The following GNAL variants were observed in gnomAD, a reference collection of about 807,000 sequenced individuals.
GNAL encodes the protein guanine nucleotide-binding protein G(olf) subunit alpha.
In GNAL, 18 loss-of-function variants were observed where a neutral mutation model predicts 55.1. The observed-to-expected ratio is 0.33, with a 90% confidence interval of 0.23 to 0.48. The LOEUF (loss-of-function observed/expected upper bound fraction) is 0.48, where lower values mean the gene tolerates loss of function less well. Among genes scored for constraint, GNAL ranks in the 20% least tolerant of loss-of-function variants. The pLI, the probability that GNAL is intolerant of heterozygous loss-of-function variation, is 0.99. For missense variants in GNAL, 412 were observed against 614.1 expected (o/e 0.67, Z 3.48); for synonymous variants, 253 against 237.0 (o/e 1.07, Z -0.62).
chr18:11,838,483 C>T (rs548559051), intron 5 of GNAL, among the ~76,000 whole-genome samples: 79 of 152,282 alleles, frequency 5.2e-4, no homozygotes, highest in Middle Eastern at 3.4e-3. Context: ...TTGATGGTTG[C>T]ACAACTTTGA....
intron 5 of GNAL, among the ~76,000 whole-genome samples, chr18:11,856,956 A>G (rs2036022430): frequency 6.6e-6 from 1 of 152,224 alleles, no homozygotes; most frequent in South Asian, 2.1e-4. Flanking sequence ...ATAGTTTTTT[A>G]AATTTAAAAA....
chr18:11,729,814 T>C (rs1384577159), intron 1 of GNAL, among the ~76,000 whole-genome samples: 1 of 152,178 alleles, frequency 6.6e-6, no homozygotes, highest in African/African-American at 2.4e-5. Context: ...CAGGAAGCCT[T>C]GATTAAGTCG....
At chr18:11,714,654 C>T (rs181732021) in intron 1 of GNAL, among the ~76,000 whole-genome samples, 7 of 152,204 alleles carry the variant, frequency 4.6e-5, no homozygotes, top group African/African-American at 9.6e-5. Context: ...AACAAAACTC[C>T]GTTTTAGGGC....
At chr18:11,705,282 C>T (rs887468856) in intron 1 of GNAL, among the ~76,000 whole-genome samples, 15 of 152,240 alleles carry the variant, frequency 9.9e-5, no homozygotes, top group African/African-American at 3.6e-4. Context: ...GGCTGCATTC[C>T]CTTCTTTTCT....
chr18:11,792,183 C>A (rs948395050), intron 4 of GNAL, among the ~76,000 whole-genome samples: 1 of 151,996 alleles, frequency 6.6e-6, no homozygotes, highest in African/African-American at 2.4e-5. Flanking sequence ...CTCCCTCCCT[C>A]CTTCCTTCCC....
chr18:11,714,994 A>G (rs996949575), intron 1 of GNAL, among the ~76,000 whole-genome samples: 4 of 152,048 alleles, frequency 2.6e-5, no homozygotes, highest in Non-Finnish European at 4.4e-5. Context: ...ATACCAAAAA[A>G]AATAACCAGG....
At chr18:11,862,141 G>A (rs2036160183) in intron 5 of GNAL, among the ~76,000 whole-genome samples, 1 of 151,932 alleles carries the variant, frequency 6.6e-6, no homozygotes, top group Non-Finnish European at 1.5e-5. Flanking sequence ...CAGCGCTGTG[G>A]CAGTGGAGAA....
At chr18:11,836,464 AAATAAT>A (rs1275533122) in intron 5 of GNAL, among the ~76,000 whole-genome samples, 1 of 151,932 alleles carries the variant, frequency 6.6e-6, no homozygotes, top group Non-Finnish European at 1.5e-5. Flanking sequence ...TAATAATAAT[AAATAAT>A]AATAATAAAG....
chr18:11,703,658 G>A (rs1006849444), intron 1 of GNAL, among the ~76,000 whole-genome samples: 35 of 152,164 alleles, frequency 2.3e-4, no homozygotes, highest in African/African-American at 8.2e-4. Flanking sequence ...TGTGCCTCAT[G>A]GAGGACGATA....
chr18:11,736,530 C>T (rs1296153096), intron 1 of GNAL, among the ~76,000 whole-genome samples: 1 of 152,178 alleles, frequency 6.6e-6, no homozygotes, highest in African/African-American at 2.4e-5. Flanking sequence ...AAGATTTGTA[C>T]TTGACTTCTG....
At chr18:11,694,930 G>A (rs889125297) in intron 1 of GNAL, among the ~76,000 whole-genome samples, 10 of 152,156 alleles carry the variant, frequency 6.6e-5, no homozygotes, top group Admixed American at 4.6e-4. Flanking sequence ...CAAAAAGAGG[G>A]AGAGATCTCC....
intron 7 of GNAL, among the ~76,000 whole-genome samples, chr18:11,866,941 T>C (rs934302623): frequency 1.3e-5 from 2 of 152,116 alleles, no homozygotes; most frequent in African/African-American, 4.8e-5. Context: ...CTGTCACCCC[T>C]GTAGCCCCAC....
intron 4 of GNAL, among the ~76,000 whole-genome samples, chr18:11,822,764 T>G (rs985612623): frequency 6.6e-6 from 1 of 151,944 alleles, no homozygotes; most frequent in Non-Finnish European, 1.5e-5. Flanking sequence ...CCACACGGTT[T>G]GGAGCCCTTT....
intron 5 of GNAL, among the ~76,000 whole-genome samples, chr18:11,862,013 C>G (rs2036156967): frequency 6.8e-6 from 1 of 146,690 alleles, no homozygotes; most frequent in African/African-American, 2.5e-5. Flanking sequence ...GATTAGGAAA[C>G]TAAAGGGACA....
chr18:11,695,357 A>G (rs1318914747), intron 1 of GNAL, among the ~76,000 whole-genome samples: 1 of 152,270 alleles, frequency 6.6e-6, no homozygotes, highest in African/African-American at 2.4e-5. Context: ...CAGGCTGTGC[A>G]CTAGGCTTTC....
At chr18:11,698,634 C>T (rs916119594) in intron 1 of GNAL, among the ~76,000 whole-genome samples, 6 of 152,058 alleles carry the variant, frequency 3.9e-5, no homozygotes, top group Non-Finnish European at 8.8e-5. Flanking sequence ...GAGGACTTTG[C>T]TGCTGGAGGA....
chr18:11,879,030 C>A (rs1262234648), intron 11 of GNAL, among the ~76,000 whole-genome samples: 3 of 151,682 alleles, frequency 2.0e-5, no homozygotes, highest in African/African-American at 7.3e-5. Flanking sequence ...GGGTGCAGCA[C>A]ACCAACATGG....
chr18:11,731,145 T>G (rs1282751543), intron 1 of GNAL, among the ~76,000 whole-genome samples: 2 of 152,106 alleles, frequency 1.3e-5, no homozygotes, highest in African/African-American at 4.8e-5. Context: ...GAATTCAGTT[T>G]TTGTTGTTGT....
At chr18:11,744,583 G>T (rs2032648076) in intron 1 of GNAL, among the ~76,000 whole-genome samples, 1 of 152,224 alleles carries the variant, frequency 6.6e-6, no homozygotes, top group Non-Finnish European at 1.5e-5. Flanking sequence ...TCTGAGGGCT[G>T]TGTGCACACT....
Sources: gnomAD v4.1 joint callset for allele counts (sites outside exome capture counted in the v4.1 genomes callset) on GRCh38, gnomAD v4.1.1 for gene constraint, MANE v1.5 for transcripts, NCBI Gene and HGNC (gene_info 2026-07-23, HGNC 2026-07-21) for gene names.